Variants in EYS observed in about 807,000 individuals in gnomAD.
EYS encodes the protein protein eyes shut homolog.
In EYS, 250 loss-of-function variants were observed where a neutral mutation model predicts 282.1. That is an observed-to-expected ratio of 0.89 (90% CI 0.80 to 0.98). The LOEUF (loss-of-function observed/expected upper bound fraction) is 0.98, where lower values mean the gene tolerates loss of function less well. EYS is among the 50% of genes least tolerant of loss of function. The pLI is 0.00. For synonymous variants in EYS, 1,355 were observed against 1,282.9 expected (o/e 1.06, Z -1.20); for missense variants, 4,016 against 3,709.0 (o/e 1.08, Z -2.15).
chr6:65,555,026 A>C (rs1256250889), intron 2 of EYS, among the ~76,000 whole-genome samples: 1 of 152,116 alleles, frequency 6.6e-6, no homozygotes, highest in Non-Finnish European at 1.5e-5. Flanking sequence ...AAAAAGAAAC[A>C]ATTCAAATTG....
At chr6:65,082,250 G>A (rs1486285475) in intron 12 of EYS, among the ~76,000 whole-genome samples, 1 of 151,952 alleles carries the variant, frequency 6.6e-6, no homozygotes, top group South Asian at 2.1e-4. Flanking sequence ...TCACCTGATT[G>A]CCATACCCAT....
intron 2 of EYS, among the ~76,000 whole-genome samples, chr6:65,603,936 T>A (rs540668570): frequency 6.6e-6 from 1 of 152,020 alleles, no homozygotes. Flanking sequence ...ATGTTACCTG[T>A]AAACTTTATC....
intron 33 of EYS, among the ~76,000 whole-genome samples, chr6:64,065,953 C>T (rs879729948): frequency 5.3e-5 from 8 of 152,154 alleles, no homozygotes; most frequent in Non-Finnish European, 8.8e-5. Flanking sequence ...CTGTTACACA[C>T]GTAAATAACA....
At chr6:65,091,655 G>T (rs925866343) in intron 12 of EYS, among the ~76,000 whole-genome samples, 1 of 152,048 alleles carries the variant, frequency 6.6e-6, no homozygotes, top group East Asian at 1.9e-4. Context: ...GTATTTATCT[G>T]CTTCATAATT....
At chr6:64,310,854 G>T (rs1021710596) in intron 29 of EYS, among the ~76,000 whole-genome samples, 1 of 152,096 alleles carries the variant, frequency 6.6e-6, no homozygotes, top group Non-Finnish European at 1.5e-5. Context: ...TGTACTTTAA[G>T]TGCTGGAACC....
At chr6:63,723,303 A>G (rs1768478050) in intron 42 of EYS, among the ~76,000 whole-genome samples, 1 of 152,332 alleles carries the variant, frequency 6.6e-6, no homozygotes, top group East Asian at 1.9e-4. Context: ...GAAAGAAAAA[A>G]TATACATTGG....
At chr6:65,174,706 C>A (rs1765185865) in intron 12 of EYS, among the ~76,000 whole-genome samples, 1 of 151,334 alleles carries the variant, frequency 6.6e-6, no homozygotes, top group East Asian at 2.0e-4. Context: ...ATTCCACATT[C>A]TCTATGCTTG....
chr6:65,225,507 A>G (rs976315327), intron 12 of EYS, among the ~76,000 whole-genome samples: 1 of 151,698 alleles, frequency 6.6e-6, no homozygotes, highest in African/African-American at 2.4e-5. Flanking sequence ...TGAGGTCAGA[A>G]GTTAGAGACC....
intron 12 of EYS, among the ~76,000 whole-genome samples, chr6:65,194,161 C>G (rs1765708986): frequency 6.6e-6 from 1 of 151,802 alleles, no homozygotes; most frequent in Non-Finnish European, 1.5e-5. Flanking sequence ...GAAATGTATT[C>G]TTTAAGTTGA....
intron 31 of EYS, among the ~76,000 whole-genome samples, chr6:64,217,167 G>A (rs570802103): frequency 5.3e-5 from 8 of 152,216 alleles, no homozygotes; most frequent in South Asian, 4.1e-4. Context: ...CTATGTCTTC[G>A]GAACTGTTTT....
At chr6:63,749,246 G>C (rs1019888826) in intron 41 of EYS, among the ~76,000 whole-genome samples, 1 of 152,088 alleles carries the variant, frequency 6.6e-6, no homozygotes, top group Admixed American at 6.5e-5. Flanking sequence ...GTTTACCCCA[G>C]AGTCATTCAG....
chr6:64,973,521 T>G (rs929166410), intron 14 of EYS, among the ~76,000 whole-genome samples: 4 of 152,050 alleles, frequency 2.6e-5, no homozygotes, highest in Non-Finnish European at 4.4e-5. Context: ...TCTCTCTCTC[T>G]AAGAGTCCCA....
chr6:64,543,137 AT>A (rs1381046150), intron 26 of EYS, among the ~76,000 whole-genome samples: 1 of 152,082 alleles, frequency 6.6e-6, no homozygotes, highest in African/African-American at 2.4e-5. Context: ...GTAATTTATT[AT>A]TTTTTATTGC....
chr6:64,627,504 C>T (rs973428334), intron 22 of EYS, among the ~76,000 whole-genome samples: 1 of 152,140 alleles, frequency 6.6e-6, no homozygotes, highest in Non-Finnish European at 1.5e-5. Flanking sequence ...TTACTGAAAA[C>T]TTATTCACAA....
chr6:63,901,227 T>G (rs1180941175), intron 35 of EYS, among the ~76,000 whole-genome samples: 2 of 152,114 alleles, frequency 1.3e-5, no homozygotes, highest in Non-Finnish European at 2.9e-5. Flanking sequence ...GTAGTTGAAA[T>G]GTACAAAGAC....
At chr6:65,187,794 T>C (rs574561172) in intron 12 of EYS, among the ~76,000 whole-genome samples, 1 of 151,826 alleles carries the variant, frequency 6.6e-6, no homozygotes, top group Non-Finnish European at 1.5e-5. Context: ...ATGGCTACCA[T>C]TTACTCTGAA....
intron 12 of EYS, among the ~76,000 whole-genome samples, chr6:65,139,718 C>T (rs1764281896): frequency 6.6e-6 from 1 of 151,986 alleles, no homozygotes; most frequent in Admixed American, 6.6e-5. Flanking sequence ...TCAGCAGAGG[C>T]CCAGTGAAAA....
intron 26 of EYS, among the ~76,000 whole-genome samples, chr6:64,460,854 C>T (rs572360653): frequency 6.6e-6 from 1 of 152,150 alleles, no homozygotes; most frequent in South Asian, 2.1e-4. Context: ...TCTGATTTTT[C>T]AACATTGTTA....
At chr6:65,285,832 T>C (rs1339420977) in intron 12 of EYS, among the ~76,000 whole-genome samples, 3 of 151,906 alleles carry the variant, frequency 2.0e-5, no homozygotes, top group East Asian at 3.9e-4. Flanking sequence ...CTATATCATT[T>C]AACTTATAAT....
Sources: gnomAD v4.1 joint callset for allele counts (sites outside exome capture counted in the v4.1 genomes callset) on GRCh38, gnomAD v4.1.1 for gene constraint, MANE v1.5 for transcripts, NCBI Gene and HGNC (gene_info 2026-07-23, HGNC 2026-07-21) for gene names.